Variants in NEK10 observed in about 807,000 individuals in gnomAD.
The protein encoded by NEK10 is serine/threonine-protein kinase Nek10.
A neutral mutation model predicts 159.8 loss-of-function variants in NEK10; 122 were observed. The ratio of observed to expected loss-of-function variants is 0.76; its 90% CI spans 0.66 to 0.89. The LOEUF (loss-of-function observed/expected upper bound fraction) is 0.89. Ranked by LOEUF, NEK10 falls within the 40% of genes least tolerant of loss-of-function variation. The probability of loss-of-function intolerance (pLI) is 0.00; values close to 1 mark genes in which losing one functional copy is unlikely to be tolerated. For synonymous variants in NEK10, 466 were observed against 457.1 expected (o/e 1.02, Z -0.25); for missense variants, 1,342 against 1,323.1 (o/e 1.01, Z -0.22).
chr3:27,268,731 C>T (rs1177936561), intron 22 of NEK10, among the ~76,000 whole-genome samples: 4 of 152,184 alleles, frequency 2.6e-5, no homozygotes, highest in Admixed American at 1.3e-4. Context: ...TCTGCTAACA[C>T]AATATCCATT....
chr3:27,313,627 A>G (rs1399429460), intron 7 of NEK10, among the ~76,000 whole-genome samples: 1 of 152,174 alleles, frequency 6.6e-6, no homozygotes, highest in Non-Finnish European at 1.5e-5. Context: ...ACACCGTTTC[A>G]AATATATATG....
At chr3:27,363,615 T>G (rs1460746879) in intron 1 of NEK10, 1 of 151,970 alleles carries the variant, frequency 6.6e-6, no homozygotes, top group Admixed American at 6.6e-5. Flanking sequence ...TTTGACAAAA[T>G]CTCTCCATAA....
chr3:27,149,056 AT>A (rs1944581479), intron 30 of NEK10, among the ~76,000 whole-genome samples: 1 of 151,844 alleles, frequency 6.6e-6, no homozygotes, highest in African/African-American at 2.4e-5. Context: ...GAAATTTCTT[AT>A]CTCAATCTGA....
At chr3:27,139,124 G>A (rs114722045) in intron 31 of NEK10, among the ~76,000 whole-genome samples, 2,512 of 152,088 alleles carry the variant, frequency 0.017, 40 homozygotes, top group African/African-American at 0.039. Flanking sequence ...TTACAAGGTC[G>A]GATGAAGTCA....
chr3:27,164,336 C>T (rs1238347153), intron 29 of NEK10, among the ~76,000 whole-genome samples: 2 of 152,166 alleles, frequency 1.3e-5, no homozygotes, highest in African/African-American at 4.8e-5. Context: ...ATGCCATACC[C>T]CAGCAAATGC....
At chr3:27,241,927 T>C (rs920034399) in intron 23 of NEK10, among the ~76,000 whole-genome samples, 1 of 152,218 alleles carries the variant, frequency 6.6e-6, no homozygotes, top group Non-Finnish European at 1.5e-5. Flanking sequence ...ACTTCCTCCC[T>C]GGCTACAACC....
chr3:27,220,056 G>C (rs913532906), intron 23 of NEK10, among the ~76,000 whole-genome samples: 2 of 152,090 alleles, frequency 1.3e-5, no homozygotes, highest in Non-Finnish European at 2.9e-5. Flanking sequence ...TAACATCATT[G>C]AAAAAAGTTT....
chr3:27,322,088 A>T (rs138413998), intron 6 of NEK10, 89 bp downstream of exon 6: 431 of 667,584 alleles, frequency 6.5e-4, no homozygotes, highest in Non-Finnish European at 8.1e-4. Context: ...AACAAAAAGT[A>T]AACATGGACT....
In NEK10 at chr3:27,291,596, A is replaced by G. The variant is rs2043001632; in HGVS notation, c.1374-10T>C. The G allele has an allele frequency of 7.1e-7, 1 of 1,410,498 alleles. No homozygotes were observed. Among genetic ancestry groups the G allele is most frequent in the African/African-American group, 1.4e-5 (1 of 71,026 alleles). The allele number at this position is 1,410,498 out of a possible 1,614,324, so 87.4% of individuals were successfully genotyped here. On this transcript the variant is annotated splice_polypyrimidine_tract_variant and intron_variant, in intron 16 of 35. Coordinates refer to ENST00000691995, the MANE Select transcript of NEK10 (RefSeq NM_001394966.1). Reference sequence around the variant, plus strand: ...GTCTGTGGGGAAAAGTCTACAGAGAATATTACACACACTTAAAGTAGAACT... The same window carrying G: ...GTCTGTGGGGAAAAGTCTACAGAGAGTATTACACACACTTAAAGTAGAACT...
chr3:27,153,494 C>T (rs1945098389), intron 30 of NEK10, among the ~76,000 whole-genome samples: 1 of 152,078 alleles, frequency 6.6e-6, no homozygotes, highest in Admixed American at 6.6e-5. Flanking sequence ...CCAACAACCG[C>T]AAAACATACA....
chr3:27,176,775 C>T (rs1174256738), intron 26 of NEK10, among the ~76,000 whole-genome samples: 1 of 152,090 alleles, frequency 6.6e-6, no homozygotes, highest in African/African-American at 2.4e-5. Flanking sequence ...CATCTGCAAC[C>T]TTTTCAGGAC....
intron 26 of NEK10, among the ~76,000 whole-genome samples, chr3:27,184,292 T>C (rs73151227): frequency 0.017 from 2,664 of 152,334 alleles, 90 homozygotes; most frequent in African/African-American, 0.06. Flanking sequence ...ATCTCATAGA[T>C]ATTTTGTCAT....
chr3:27,149,817 G>A lies in NEK10; in HGVS notation c.2870-8235C>T, dbSNP rs139405229. Among the ~76,000 whole-genome samples the A allele has an allele frequency of 7.1e-3, 1,076 of 152,312 alleles. 9 individuals are homozygous for A. The highest frequency in any genetic ancestry group is 8.6e-3 in the Non-Finnish European group (582 of 68,028). ...CAAAAGGCAGAAATGATAAAGCTTA[G>A]TGAGGAAGGCATGTCAAAAGCCAAG... On this transcript the variant is annotated intron_variant, in intron 30 of 35. Transcript: ENST00000691995.
At chr3:27,139,574 A>G (rs1194205694) in intron 31 of NEK10, among the ~76,000 whole-genome samples, 2 of 152,310 alleles carry the variant, frequency 1.3e-5, no homozygotes, top group Admixed American at 1.3e-4. Context: ...AAGGGTAAAA[A>G]CTATAGCACT....
At chr3:27,276,732 C>A (rs575730695) in intron 22 of NEK10, among the ~76,000 whole-genome samples, 5 of 152,274 alleles carry the variant, frequency 3.3e-5, no homozygotes, top group East Asian at 1.9e-4. Context: ...AACTGGCCGA[C>A]AAATCTTTTT....
chr3:27,358,820 C>CT (rs984830965), intron 1 of NEK10, among the ~76,000 whole-genome samples: 4 of 152,030 alleles, frequency 2.6e-5, no homozygotes, highest in Non-Finnish European at 5.9e-5. Flanking sequence ...CCACAAATAT[C>CT]TTTTTTTTCC....
At chr3:27,367,408 G>A (rs1038938259) in intron 1 of NEK10, 4 of 152,304 alleles carry the variant, frequency 2.6e-5, no homozygotes, top group African/African-American at 7.2e-5. Flanking sequence ...AACAGCTACC[G>A]TGATAATGAT....
intron 23 of NEK10, among the ~76,000 whole-genome samples, chr3:27,207,922 A>C (rs1473666600): frequency 6.6e-6 from 1 of 152,190 alleles, no homozygotes; most frequent in Non-Finnish European, 1.5e-5. Flanking sequence ...TGTGCCAGTA[A>C]GTACCATTTA....
chr3:27,252,122 G>A, intron 23 of NEK10: 2 of 333,864 alleles, frequency 6.0e-6, no homozygotes, highest in East Asian at 7.7e-5. Flanking sequence ...GGGAAACAGT[G>A]GTGAACAAAG....
Sources: gnomAD v4.1 joint callset for allele counts (sites outside exome capture counted in the v4.1 genomes callset) on GRCh38, gnomAD v4.1.1 for gene constraint, MANE v1.5 for transcripts, NCBI Gene and HGNC (gene_info 2026-07-23, HGNC 2026-07-21) for gene names.